The following GAS7 variants were observed in gnomAD, a reference collection of about 807,000 sequenced individuals.
GAS7 encodes growth arrest specific 7, also known as growth arrest-specific protein 7.
GAS7 carries 28 observed loss-of-function variants against 71.1 expected under a neutral mutation model. The observed-to-expected ratio is 0.39, with a 90% CI of 0.29 to 0.54. The LOEUF (loss-of-function observed/expected upper bound fraction) is 0.54, where lower values mean the gene tolerates loss of function less well. Among genes scored for constraint, GAS7 ranks in the 20% least tolerant of loss-of-function variants. The probability of loss-of-function intolerance (pLI) is 0.62; values close to 1 mark genes in which losing one functional copy is unlikely to be tolerated. For synonymous variants in GAS7, 258 were observed against 245.8 expected, an observed-to-expected ratio of 1.05 and a Z score of -0.46; for missense variants, 436 against 627.8, an observed-to-expected ratio of 0.69 and a Z score of 3.27.
In GAS7 at chr17:9,954,936, C is replaced by T. The variant is rs558321141; in HGVS notation, c.525+4266G>A. 1.2e-3 allele frequency among the ~76,000 whole-genome samples: 179 copies of T among 152,204 alleles called. 1 individual carries two copies. The highest frequency in any genetic ancestry group is 6.8e-3 in the Middle Eastern group (2 of 294). On this transcript the variant is annotated intron_variant, in intron 5 of 13. Coordinates refer to ENST00000432992, the MANE Select transcript of GAS7 (RefSeq NM_201433.2). Reference sequence around the variant, plus strand: ...AGGGGCATGGTGAGAGGTGTGTGCGCGCAGATGTCCTGGAAGCAACTGGAG... The same window carrying T: ...AGGGGCATGGTGAGAGGTGTGTGCGTGCAGATGTCCTGGAAGCAACTGGAG...
At chr17:9,996,375 AACACAGGG>A (rs1349616249) in intron 2 of GAS7, among the ~76,000 whole-genome samples, 1 of 143,666 alleles carries the variant, frequency 7.0e-6, no homozygotes, top group Non-Finnish European at 1.5e-5. Context: ...GAACAATGAG[AACACAGGG>A]ACACAGGAAG....
At chr17:10,018,564 C>T (rs974890974) in intron 2 of GAS7, among the ~76,000 whole-genome samples, 18 of 152,266 alleles carry the variant, frequency 1.2e-4, no homozygotes, top group South Asian at 4.1e-4. Flanking sequence ...AAGATTAGAA[C>T]GGTCAGAAAT....
chr17:10,066,910 T>C lies in GAS7; in HGVS notation c.184-47013A>G, dbSNP rs560001874. Among the ~76,000 whole-genome samples the C allele has an allele frequency of 8.5e-5, 13 of 152,282 alleles. 1 individual carries two copies. Among genetic ancestry groups the C allele is most frequent in the East Asian group, 3.9e-4 (2 of 5,180 alleles). ...CAAATCCATGCTTTCCCAGGACAAGTTGCTTGATCTAGCTGGACAATCTCA... is the reference window on the plus strand; with the variant it reads ...CAAATCCATGCTTTCCCAGGACAAGCTGCTTGATCTAGCTGGACAATCTCA... On this transcript the variant is annotated intron_variant, in intron 1 of 13. Transcript: ENST00000432992.
intron 1 of GAS7, among the ~76,000 whole-genome samples, chr17:10,124,161 G>A (rs554807585): frequency 3.3e-5 from 5 of 152,352 alleles, no homozygotes; most frequent in East Asian, 1.9e-4. Context: ...CGGGCTCCCC[G>A]CGCGGCTCCC....
At chr17:10,056,794 ACGGTCTCCCTCTCCCTCTCTTTCC>A (rs2073144374) in intron 1 of GAS7, among the ~76,000 whole-genome samples, 4 of 148,900 alleles carry the variant, frequency 2.7e-5, no homozygotes, top group African/African-American at 7.5e-5. Context: ...CTCTCTTTCC[ACGGTCTCCCTCTCCCTCTCTTTCC>A]ACGGTCTCCC....
rs2072691054 is a variant in GAS7 at position 10,034,202 on chromosome 17, T to C, written c.184-14305A>G. 2 of 985,124 alleles carry C rather than the reference T, an allele frequency of 2.0e-6. No individual in the cohort carries two copies. The highest frequency in any genetic ancestry group is 2.4e-6 in the Non-Finnish European group (2 of 829,660). 61.0% of individuals were successfully genotyped at this position (985,124 alleles called of 1,614,324 possible). A position where few individuals can be genotyped will look rare whatever the true frequency, so the allele number is the denominator to read the frequency against. On this transcript the variant is annotated intron_variant, in intron 1 of 13. Coordinates refer to ENST00000432992, the MANE Select transcript of GAS7 (RefSeq NM_201433.2). The surrounding 1 kb of genome is among the most constrained non-coding windows in gnomAD (Gnocchi z 4.4). ...TCGCTGGCAGATCTTGAGCAACCTC[T>C]TCCATCTCTGCTGGGAGGCCTCAAT...
intron 1 of GAS7, among the ~76,000 whole-genome samples, chr17:10,150,879 G>A (rs561213644): frequency 5.3e-5 from 8 of 152,064 alleles, no homozygotes; most frequent in Admixed American, 1.3e-4. Context: ...GTGAGCCACC[G>A]CACCTGGCCA....
At chr17:10,172,766 C>T (rs2074344870) in intron 1 of GAS7, among the ~76,000 whole-genome samples, 1 of 152,226 alleles carries the variant, frequency 6.6e-6, no homozygotes, top group Admixed American at 6.5e-5. Flanking sequence ...GTAGCCAGAG[C>T]CCCTCACTGC....
intron 1 of GAS7, among the ~76,000 whole-genome samples, chr17:10,175,419 C>T (rs777778953): frequency 3.3e-5 from 5 of 152,070 alleles, no homozygotes; most frequent in Non-Finnish European, 7.4e-5. Flanking sequence ...GTTCTAGAAG[C>T]TGGGAATCCA....
At chr17:10,022,968 C>T (rs1363183529) in intron 1 of GAS7, among the ~76,000 whole-genome samples, 3 of 152,216 alleles carry the variant, frequency 2.0e-5, no homozygotes, top group Non-Finnish European at 4.4e-5. Flanking sequence ...TGGACCCAAC[C>T]TGTGAACCTC....
At chr17:10,031,755 G>A (rs1330896723) in intron 1 of GAS7, among the ~76,000 whole-genome samples, 3 of 152,240 alleles carry the variant, frequency 2.0e-5, no homozygotes, top group Admixed American at 6.5e-5. Context: ...CATGTTTCTT[G>A]CATCTGAGAT....
rs529969389 is a variant in GAS7, at chr17:9,919,632, G to A, written c.1212C>T (p.Thr404=). 1.9e-6 allele frequency: 3 copies of A among 1,609,278 alleles called. No individual in the cohort carries two copies. In the African/African-American group the frequency reaches 4.0e-5, roughly 21 times the overall value. ...CACATCCCTGCCCGCTTACCAATGT[G>A]GTGGTCACCATCTCTTCAAACCATT... The part of the protein sequence containing the change: ...QSKWFEEMVT[T]TLELERLEVE... Residue 404 remains threonine, a synonymous_variant, in exon 12 of 14, where the codon ACC becomes ACT. Coordinates refer to ENST00000432992, the MANE Select transcript of GAS7 (RefSeq NM_201433.2). The surrounding 1 kb of genome is among the most constrained non-coding windows in gnomAD (Gnocchi z 5.0).
intron 1 of GAS7, among the ~76,000 whole-genome samples, chr17:10,138,447 T>C (rs1458293273): frequency 3.9e-5 from 6 of 152,136 alleles, no homozygotes; most frequent in Admixed American, 2.0e-4. Context: ...TACTGGCTTG[T>C]CCAGGTCAAA....
At chr17:10,027,646 G>A (rs776975101) in intron 1 of GAS7, among the ~76,000 whole-genome samples, 1 of 152,218 alleles carries the variant, frequency 6.6e-6, no homozygotes, top group Non-Finnish European at 1.5e-5. Flanking sequence ...GCAACATGGT[G>A]CCATCTTGGA....
chr17:9,943,355 G>A (rs957052755), intron 6 of GAS7, 119 bp from the exon 7 acceptor site: 3 of 676,804 alleles, frequency 4.4e-6, no homozygotes, highest in Non-Finnish European at 8.1e-6. Context: ...AGCACAAGAC[G>A]CGGGAGCAGC....
At chr17:10,146,781 G>C (rs900068075) in intron 1 of GAS7, among the ~76,000 whole-genome samples, 1 of 151,968 alleles carries the variant, frequency 6.6e-6, no homozygotes, top group South Asian at 2.1e-4. Flanking sequence ...TCAAGAGATC[G>C]AGACCATCCT....
At chr17:9,982,833 G>GAAAGAAA (rs1351152326) in intron 2 of GAS7, among the ~76,000 whole-genome samples, 1 of 117,266 alleles carries the variant, frequency 8.5e-6, no homozygotes, top group African/African-American at 3.0e-5. Context: ...AGGAAAGAAA[G>GAAAGAAA]AAAGAAAGAA....
intron 6 of GAS7, among the ~76,000 whole-genome samples, chr17:9,946,449 C>T (rs1181226140): frequency 2.6e-5 from 4 of 152,290 alleles, no homozygotes; most frequent in Middle Eastern, 3.4e-3. Flanking sequence ...TACAGGATTA[C>T]CCAAGCTGGA....
chr17:10,080,243 A>G (rs2073444074), intron 1 of GAS7, among the ~76,000 whole-genome samples: 1 of 152,162 alleles, frequency 6.6e-6, no homozygotes, highest in African/African-American at 2.4e-5. Context: ...GCTAAGAGAC[A>G]TTCCCACCAG....
Sources: gnomAD v4.1 joint callset for allele counts (sites outside exome capture counted in the v4.1 genomes callset) on GRCh38, gnomAD v4.1.1 for gene constraint, Gnocchi (gnomAD v3.1) non-coding constraint, MANE v1.5 for transcripts, NCBI Gene and HGNC (gene_info 2026-07-23, HGNC 2026-07-21) for gene names.